The following UPP2 variants were observed in gnomAD, a reference collection of about 807,000 sequenced individuals.
UPP2 encodes the protein UPase 2.
UPP2 carries 23 observed loss-of-function variants against 26.7 expected under a neutral mutation model. That is an observed-to-expected ratio of 0.86 (90% confidence interval 0.62 to 1.22). The LOEUF (loss-of-function observed/expected upper bound fraction) is 1.22. Ranked by LOEUF, UPP2 falls within the 50% of genes most tolerant of loss-of-function variation. UPP2 has a pLI of 0.00. For synonymous variants in UPP2, 127 were observed against 141.3 expected, an observed-to-expected ratio of 0.90 and a Z score of 0.72; for missense variants, 387 against 396.7, an observed-to-expected ratio of 0.98 and a Z score of 0.21.
chr2:158,099,599 T>C (rs1460449844), upstream of UPP2, among the ~76,000 whole-genome samples: 2 of 151,594 alleles, frequency 1.3e-5, no homozygotes, highest in African/African-American at 2.4e-5. Flanking sequence ...TGGAGAGACA[T>C]CTAAGAATTG....
At chr2:158,121,902 A>C (rs992538596) in intron 5 of UPP2, among the ~76,000 whole-genome samples, 8 of 151,978 alleles carry the variant, frequency 5.3e-5, no homozygotes, top group African/African-American at 1.9e-4. Context: ...TTATGCCTTT[A>C]ACTTAAATTA....
intron 6 of UPP2, among the ~76,000 whole-genome samples, chr2:158,131,218 T>C (rs1334512783): frequency 6.6e-5 from 10 of 152,190 alleles, no homozygotes; most frequent in Non-Finnish European, 1.5e-4. Flanking sequence ...GGCTGGGAAC[T>C]CCAAAGCTAA....
At chr2:158,026,039 C>T (rs1683828155) in intron 3 of UPP2, among the ~76,000 whole-genome samples, 1 of 152,112 alleles carries the variant, frequency 6.6e-6, no homozygotes, top group Non-Finnish European at 1.5e-5. Flanking sequence ...CAGCAGCCTC[C>T]ATAGCTGAGG....
intron 2 of UPP2, among the ~76,000 whole-genome samples, chr2:157,997,593 T>C (rs1296286634): frequency 6.6e-6 from 1 of 152,228 alleles, no homozygotes; most frequent in Non-Finnish European, 1.5e-5. Flanking sequence ...ATGGGGAAGA[T>C]GCCACCATGG....
At chr2:158,087,264 A>T (rs993369619) in intron 3 of UPP2, among the ~76,000 whole-genome samples, 1 of 152,012 alleles carries the variant, frequency 6.6e-6, no homozygotes, top group African/African-American at 2.4e-5. Flanking sequence ...ATTTTTAACT[A>T]CTGTTGCTTT....
At chr2:158,106,917 G>A (rs1683209196) in intron 2 of UPP2, among the ~76,000 whole-genome samples, 1 of 152,086 alleles carries the variant, frequency 6.6e-6, no homozygotes, top group South Asian at 2.1e-4. Flanking sequence ...CTTTAAAATA[G>A]TTGTAATTAT....
At chr2:158,098,731 C>A (rs941663992), upstream of UPP2, among the ~76,000 whole-genome samples, 1 of 152,116 alleles carries the variant, frequency 6.6e-6, no homozygotes, top group African/African-American at 2.4e-5. Context: ...GAAAATAAAT[C>A]ATCTAAATGA....
At chr2:158,094,529 G>C (rs1294117101) in intron 3 of UPP2, among the ~76,000 whole-genome samples, 1 of 152,116 alleles carries the variant, frequency 6.6e-6, no homozygotes, top group East Asian at 1.9e-4. Context: ...ATGTCAATGT[G>C]ACCATGATTA....
At chr2:157,998,539 T>G (rs1683358232) in intron 2 of UPP2, among the ~76,000 whole-genome samples, 1 of 152,176 alleles carries the variant, frequency 6.6e-6, no homozygotes, top group African/African-American at 2.4e-5. Context: ...CAGCGGCTCA[T>G]GCCTGTAATC....
intron 3 of UPP2, among the ~76,000 whole-genome samples, chr2:158,047,930 A>G (rs982437057): frequency 6.6e-6 from 1 of 152,048 alleles, no homozygotes; most frequent in Non-Finnish European, 1.5e-5. Context: ...TGTTTGTGGG[A>G]TTTTTGCTCC....
chr2:158,093,616 C>T (rs771089655), intron 3 of UPP2, among the ~76,000 whole-genome samples: 2 of 151,972 alleles, frequency 1.3e-5, no homozygotes. Context: ...TATATAAAGG[C>T]GTTTAATCTC....
chr2:158,059,564 G>C (rs994760510), intron 3 of UPP2, among the ~76,000 whole-genome samples: 1 of 152,144 alleles, frequency 6.6e-6, no homozygotes, highest in African/African-American at 2.4e-5. Flanking sequence ...CACCTTGCTG[G>C]CACAAAAAGA....
intron 2 of UPP2, among the ~76,000 whole-genome samples, chr2:158,007,843 G>A (rs755563958): frequency 2.0e-5 from 3 of 152,020 alleles, no homozygotes; most frequent in Non-Finnish European, 2.9e-5. Flanking sequence ...CTCGTGATCC[G>A]CCTGCCTTGG....
chr2:158,132,758 T>G (rs1441559354), intron 6 of UPP2, among the ~76,000 whole-genome samples: 1 of 151,820 alleles, frequency 6.6e-6, no homozygotes, highest in Non-Finnish European at 1.5e-5. Flanking sequence ...GGCCAACAGA[T>G]ATATTAAAAA....
chr2:158,034,381 A>G (rs902152218), intron 3 of UPP2, among the ~76,000 whole-genome samples: 1 of 152,190 alleles, frequency 6.6e-6, no homozygotes, highest in East Asian at 1.9e-4. Flanking sequence ...GACCTCACAC[A>G]TAGGGCAAAG....
At chr2:158,013,795 C>T (rs17491974) in intron 2 of UPP2, among the ~76,000 whole-genome samples, 11,571 of 152,270 alleles carry the variant, frequency 0.076, 493 homozygotes, top group Non-Finnish European at 0.097. Context: ...AGCACACTAG[C>T]ACATGCAGAT....
At chr2:158,015,930 A>G in intron 3 of UPP2, 1 of 409,514 alleles carries the variant, frequency 2.4e-6, no homozygotes, top group Admixed American at 2.6e-5. Context: ...ACCCAGTCTC[A>G]GGTAGTTCTT....
intron 3 of UPP2, among the ~76,000 whole-genome samples, chr2:158,075,134 T>C (rs1682611089): frequency 6.6e-6 from 1 of 152,014 alleles, no homozygotes; most frequent in African/African-American, 2.4e-5. Context: ...GCAAATATTA[T>C]TTGAGCTAAG....
chr2:158,035,901 T>C (rs1292145556), intron 3 of UPP2, among the ~76,000 whole-genome samples: 1 of 152,156 alleles, frequency 6.6e-6, no homozygotes, highest in Non-Finnish European at 1.5e-5. Flanking sequence ...AATAGGGGAT[T>C]TCTAGGAAGT....
Sources: gnomAD v4.1 joint callset for allele counts (sites outside exome capture counted in the v4.1 genomes callset) on GRCh38, gnomAD v4.1.1 for gene constraint, MANE v1.5 for transcripts, NCBI Gene and HGNC (gene_info 2026-07-23, HGNC 2026-07-21) for gene names.